Variants in DHX35 observed in about 807,000 individuals in gnomAD.
The protein encoded by DHX35 is probable ATP-dependent RNA helicase DHX35.
In DHX35, 84 loss-of-function variants were observed where a neutral mutation model predicts 99.6. The ratio of observed to expected loss-of-function variants is 0.84; its 90% CI spans 0.71 to 1.01. The LOEUF (loss-of-function observed/expected upper bound fraction) is 1.01. DHX35 is among the 50% of genes least tolerant of loss of function. DHX35 has a pLI of 0.00. For synonymous variants in DHX35, 331 were observed against 316.2 expected, an observed-to-expected ratio of 1.05 and a Z score of -0.50; for missense variants, 852 against 888.5, an observed-to-expected ratio of 0.96 and a Z score of 0.52.
At chr20:38,991,354 G>A (rs1394998842) in intron 5 of DHX35, 100 bp from the exon 6 acceptor site, 1 of 984,466 alleles carries the variant, frequency 1.0e-6, no homozygotes, top group African/African-American at 1.7e-5. Flanking sequence ...GAATTTACTT[G>A]TACACATGCT....
rs1019893275 is a variant in DHX35, at chr20:38,988,823, G to A, written c.356G>A (p.Arg119Lys). 2.5e-6 allele frequency: 4 copies of A among 1,613,658 alleles called. No homozygotes were observed. The highest frequency in any genetic ancestry group is 1.7e-5 in the Admixed American group (1 of 59,990). The stretch of plus-strand genomic sequence containing the variant: ...TCTTTCTTCCCAAAGGTTGCAGGGA[G>A]AGTAGCTGAAGAAAGGGGTGCAGTG... ...RRVAAVTVAGRVAEERGAVLG... is the reference protein window; with the variant it reads ...RRVAAVTVAGKVAEERGAVLG... Residue 119 changes from arginine (R) to lysine (K), a missense_variant, in exon 5 of 22, where the codon AGA (arginine) becomes AAA (lysine). By Grantham distance (26) the Arg-to-Lys change is conservative. Coordinates refer to ENST00000252011, the MANE Select transcript of DHX35 (RefSeq NM_021931.4).
At chr20:39,024,856 G>A (rs1393652949) in intron 17 of DHX35, among the ~76,000 whole-genome samples, 1 of 152,094 alleles carries the variant, frequency 6.6e-6, no homozygotes, top group Non-Finnish European at 1.5e-5. Context: ...TCATATTGTT[G>A]GCTTCTAGTA....
At chr20:39,007,236 C>T (rs2086633206) in intron 12 of DHX35, among the ~76,000 whole-genome samples, 1 of 152,150 alleles carries the variant, frequency 6.6e-6, no homozygotes, top group Admixed American at 6.5e-5. Context: ...TGATGTTGAT[C>T]TTTCTTTTAG....
Position 39,010,325 on chromosome 20 carries a change from A to G in DHX35, c.1268A>G (p.Gln423Arg). The change falls in exon 13 of 22, where the codon CAG becomes CGG. Residue 423 changes from glutamine (Q) to arginine (R), a missense_variant. Physicochemically the swap from Gln to Arg is conservative, Grantham distance 43 (BLOSUM62 1). Coordinates refer to ENST00000252011, the MANE Select transcript of DHX35 (RefSeq NM_021931.4). ...KLPQSTVPEM[Q>R]RSNLAPVILQ... ...CCTCAGTCTACGGTTCCTGAGATGC[A>G]GCGTAGTAATTTGGCACCTGTCATC... 1 of 1,614,150 alleles carries G rather than the reference A, an allele frequency of 6.2e-7. No individual in the cohort carries two copies. Among genetic ancestry groups the G allele is most frequent in the Non-Finnish European group, 8.5e-7 (1 of 1,180,014 alleles).
intron 1 of DHX35, among the ~76,000 whole-genome samples, chr20:38,966,665 C>G (rs1044684908): frequency 7.9e-5 from 12 of 152,156 alleles, no homozygotes; most frequent in Non-Finnish European, 1.2e-4. Flanking sequence ...ACTCCATCTC[C>G]AAAAACAAAA....
chr20:39,036,726 CAAAAAAAAAAAAAA>C (rs60032935), intron 21 of DHX35, among the ~76,000 whole-genome samples: 7 of 51,664 alleles, frequency 1.4e-4, no homozygotes, highest in South Asian at 7.7e-4. Context: ...ACTGTCCCCC[CAAAAAAAAAAAAAA>C]AAAAAAAAAA....
At chr20:39,010,132 A>C in intron 12 of DHX35, 148 bp from the exon 13 acceptor site, 1 of 991,084 alleles carries the variant, frequency 1.0e-6, no homozygotes, top group Non-Finnish European at 1.5e-6. Context: ...AAGTATAAAA[A>C]TAACTTTATA....
intron 20 of DHX35, among the ~76,000 whole-genome samples, chr20:39,032,858 G>T (rs2145949046): frequency 6.6e-6 from 1 of 152,312 alleles, no homozygotes; most frequent in Admixed American, 6.5e-5. Context: ...TGCAGACCTA[G>T]AAGTTGCTTA....
intron 21 of DHX35, among the ~76,000 whole-genome samples, chr20:39,037,132 C>T (rs1394131776): frequency 6.6e-6 from 1 of 152,090 alleles, no homozygotes; most frequent in Non-Finnish European, 1.5e-5. Flanking sequence ...CAAAAATGGC[C>T]CCACAGGCAC....
At chr20:38,982,818 A>G (rs1253384335) in intron 3 of DHX35, among the ~76,000 whole-genome samples, 1 of 152,248 alleles carries the variant, frequency 6.6e-6, no homozygotes, top group Admixed American at 6.5e-5. Flanking sequence ...TTAGAAAAAC[A>G]TGTAACTGAT....
rs2086008158 is a variant in DHX35 at position 38,972,017 on chromosome 20, T to TG, written c.175-542_175-541insG. The stretch of plus-strand genomic sequence containing the variant: ...TTGTTTTGTTTTGTTTTTTTTTTTT[T>TG]TTTTTTTTTGAGACAGAGTCTCACC... On this transcript the variant is annotated intron_variant, in intron 2 of 21. Transcript: ENST00000252011. 2.1e-5 allele frequency among the ~76,000 whole-genome samples: 3 copies of TG among 144,156 alleles called. No homozygotes were observed. In the South Asian group the frequency reaches 6.7e-4, roughly 32 times the overall value. The allele number at this position is 144,156 out of a possible 152,430, so 94.6% of individuals were successfully genotyped here.
chr20:38,988,085 CAG>C (rs1458852698), intron 4 of DHX35, among the ~76,000 whole-genome samples: 3 of 152,128 alleles, frequency 2.0e-5, no homozygotes, highest in African/African-American at 7.2e-5. Flanking sequence ...TGTTTAGGAA[CAG>C]GGTGAATCTT....
At chr20:39,030,100 C>G (rs1274901478) in intron 19 of DHX35, 2 of 152,258 alleles carry the variant, frequency 1.3e-5, no homozygotes, top group Non-Finnish European at 2.9e-5. Context: ...CTGCCTCAGC[C>G]TCCGGAGTAG....
chr20:39,022,098 C>T (rs1278017270), intron 16 of DHX35, among the ~76,000 whole-genome samples, 163 bp downstream of exon 16: 1 of 152,130 alleles, frequency 6.6e-6, no homozygotes, highest in Non-Finnish European at 1.5e-5. Flanking sequence ...AGGTGTTTTG[C>T]AGGCATCATT....
intron 4 of DHX35, among the ~76,000 whole-genome samples, chr20:38,985,178 T>C (rs1196302407): frequency 6.6e-6 from 1 of 151,802 alleles, no homozygotes; most frequent in Non-Finnish European, 1.5e-5. Flanking sequence ...AGCCTAGGAG[T>C]TTGAGAACAG....
chr20:38,999,857 A>G (rs1204861137), intron 8 of DHX35, among the ~76,000 whole-genome samples: 2 of 152,188 alleles, frequency 1.3e-5, no homozygotes, highest in African/African-American at 2.4e-5. Flanking sequence ...TGTCTTGCCC[A>G]TCGAATAAAG....
chr20:39,026,873 G>A (rs2086966029), intron 18 of DHX35, among the ~76,000 whole-genome samples: 1 of 152,162 alleles, frequency 6.6e-6, no homozygotes, highest in Non-Finnish European at 1.5e-5. Flanking sequence ...TCAAACGCCT[G>A]TCACCCAGCA....
chr20:39,029,245 A>C (rs2087006148), intron 19 of DHX35: 1 of 152,058 alleles, frequency 6.6e-6, no homozygotes, highest in African/African-American at 2.4e-5. Context: ...TAATAAGAGA[A>C]CACTCCAAAG....
At chr20:39,030,641 G>T (rs1193483975) in intron 19 of DHX35, 63 bp from the exon 20 acceptor site, 1 of 1,459,914 alleles carries the variant, frequency 6.8e-7, no homozygotes, top group Non-Finnish European at 9.6e-7. Context: ...AAAAATATCT[G>T]TGGGAAAGTC....
Sources: allele counts gnomAD v4.1 joint callset (sites outside exome capture counted in the v4.1 genomes callset), GRCh38; gene constraint gnomAD v4.1.1; transcripts MANE v1.5; gene names NCBI Gene and HGNC (gene_info 2026-07-23, HGNC 2026-07-21).